Variants in PFKFB2 observed in about 807,000 individuals in gnomAD.
The protein encoded by PFKFB2 is 6-phosphofructo-2-kinase/fructose-2,6-biphosphatase 2, also known as 6-phosphofructo-2-kinase/fructose-2,6-bisphosphatase 2.
In PFKFB2, 53 loss-of-function variants were observed where a neutral mutation model predicts 68.0. That is an observed-to-expected ratio of 0.78 (90% confidence interval 0.63 to 0.98). The LOEUF (loss-of-function observed/expected upper bound fraction) is 0.98, where lower values mean the gene tolerates loss of function less well. Among genes scored for constraint, PFKFB2 ranks in the 50% least tolerant of loss-of-function variants. The pLI is 0.00. For missense variants in PFKFB2, 451 were observed against 642.0 expected (o/e 0.70, Z 3.22); for synonymous variants, 222 against 227.6 (o/e 0.98, Z 0.22).
chr1:207,049,214 T>TGAC (rs1682672146), upstream of PFKFB2: 1 of 1,613,884 alleles, frequency 6.2e-7, no homozygotes, highest in Non-Finnish European at 8.5e-7. Flanking sequence ...GAGGAGAAAA[T>TGAC]GGTCAGAGGA....
At chr1:207,061,109 CTATATATCTTTATATATATCTTTA>C (rs1298009443) in intron 2 of PFKFB2, among the ~76,000 whole-genome samples, 1 of 79,548 alleles carries the variant, frequency 1.3e-5, no homozygotes, top group Non-Finnish European at 2.5e-5. Context: ...TTATATATAT[CTATATATCTTTATATATATCTTTA>C]TATATATCTT....
At chr1:207,071,859 C>A (rs1004321866) in intron 14 of PFKFB2, among the ~76,000 whole-genome samples, 2 of 152,158 alleles carry the variant, frequency 1.3e-5, no homozygotes, top group African/African-American at 4.8e-5. Flanking sequence ...CCCTCCAACC[C>A]CAAGTGTCCC....
intron 2 of PFKFB2, chr1:207,046,937 G>A (rs12123107): frequency 0.35 from 52,415 of 151,858 alleles, 9,673 homozygotes; most frequent in Middle Eastern, 0.48. Flanking sequence ...GTAAGCAAAT[G>A]TCAACTCTGT....
intron 2 of PFKFB2, among the ~76,000 whole-genome samples, chr1:207,055,641 T>TTA (rs34590725): frequency 0.093 from 13,723 of 147,502 alleles, 1,239 homozygotes; most frequent in African/African-American, 0.24. Context: ...ACTTCAGTGG[T>TTA]TATATATATA....
intron 2 of PFKFB2, among the ~76,000 whole-genome samples, chr1:207,056,912 C>T (rs1359741431): frequency 2.0e-5 from 3 of 152,158 alleles, no homozygotes; most frequent in South Asian, 2.1e-4. Context: ...TTCACATCAG[C>T]GGCTGCTTTA....
In PFKFB2 at chr1:207,072,645, G is replaced by A. The variant is rs890025441; in HGVS notation, c.*274G>A. On this transcript the variant is annotated 3_prime_UTR_variant, in exon 15 of 15. Coordinates refer to ENST00000367080, the MANE Select transcript of PFKFB2 (RefSeq NM_006212.2). ...TCTCAGATGGGATGATCTGGAGGAG[G>A]AGGAAAAAGATACACTCCCTTGGGG... The A allele has an allele frequency of 1.6e-6, 2 of 1,213,926 alleles. No homozygotes were observed. The highest frequency in any genetic ancestry group is 4.2e-5 in the Admixed American group (1 of 24,048). The allele number at this position is 1,213,926 out of a possible 1,614,324, so 75.2% of individuals were successfully genotyped here. A position where few individuals can be genotyped will look rare whatever the true frequency, so the allele number is the denominator to read the frequency against.
At chr1:207,078,737 A>C (rs1419769182), downstream of PFKFB2, among the ~76,000 whole-genome samples, 1 of 152,220 alleles carries the variant, frequency 6.6e-6, no homozygotes, top group Admixed American at 6.5e-5. Flanking sequence ...CAATATGGTC[A>C]CGAGGTCAGC....
downstream of PFKFB2, among the ~76,000 whole-genome samples, chr1:207,078,215 G>C (rs1683680898): frequency 6.6e-6 from 1 of 152,204 alleles, no homozygotes; most frequent in Non-Finnish European, 1.5e-5. Context: ...CATTTCTAAA[G>C]AGATTATGGT....
Position 207,065,117 on chromosome 1 carries a change from T to C in PFKFB2, c.589T>C (p.Tyr197His). The C allele has an allele frequency of 6.2e-7, 1 of 1,614,078 alleles. No individual in the cohort carries two copies. The highest frequency in any genetic ancestry group is 8.5e-7 in the Non-Finnish European group (1 of 1,179,978). ...MEDFLKRIEC[Y>H]KVTYRPLDPD... is the part of the protein sequence containing the mutation. ...GGACTTCCTGAAGAGAATTGAATGCTACAAAGTTACCTACCGACCTCTTGA... is the reference window on the plus strand; with the variant it reads ...GGACTTCCTGAAGAGAATTGAATGCCACAAAGTTACCTACCGACCTCTTGA... The change falls in exon 8 of 15, where the codon TAC becomes CAC. Residue 197 changes from tyrosine (Y) to histidine (H), a missense_variant. By Grantham distance (83) the Tyr-to-His change is moderately conservative. Transcript: ENST00000367080.
rs1572740686 is a variant in PFKFB2 at position 207,076,282 on chromosome 1, C to G, written c.*3911C>G. On this transcript the variant is annotated 3_prime_UTR_variant, in exon 15 of 15. Transcript: ENST00000367080. ...TTTTTTTTTTTTATGAGCAGGAGAT[C>G]TTAATTGACAGAAACTCATTGGTGG... The G allele has an allele frequency of 4.3e-6, 4 of 921,978 alleles. No individual in the cohort carries two copies. The highest frequency in any genetic ancestry group is 5.1e-6 in the Non-Finnish European group (4 of 783,162). 57.1% of individuals were successfully genotyped at this position (921,978 alleles called of 1,614,324 possible). A position where few individuals can be genotyped will look rare whatever the true frequency, so the allele number is the denominator to read the frequency against.
chr1:207,066,954 A>G (rs1041438406), intron 8 of PFKFB2, among the ~76,000 whole-genome samples: 2 of 152,162 alleles, frequency 1.3e-5, no homozygotes, highest in Non-Finnish European at 2.9e-5. Flanking sequence ...ATCCAGCCAC[A>G]CTTATGACTT....
downstream of PFKFB2, chr1:207,079,144 C>T (rs116812862): frequency 5.6e-4 from 445 of 794,346 alleles, 4 homozygotes; most frequent in African/African-American, 5.6e-3. Flanking sequence ...GCCACCAAAA[C>T]GAGGCCTGGA....
At chr1:207,054,272 A>C (rs1465414035) in intron 1 of PFKFB2, among the ~76,000 whole-genome samples, 2 of 152,114 alleles carry the variant, frequency 1.3e-5, no homozygotes, top group Non-Finnish European at 2.9e-5. Flanking sequence ...TCGTCTATAC[A>C]TAACCCACCC....
intron 1 of PFKFB2, 64 bp downstream of exon 1, chr1:207,053,430 C>A (rs1225176305): frequency 6.6e-6 from 1 of 152,662 alleles, no homozygotes. Flanking sequence ...GCTGCGTGCC[C>A]CCGGATGAAG....
chr1:207,058,501 G>C (rs1321050405), intron 2 of PFKFB2, among the ~76,000 whole-genome samples: 1 of 152,252 alleles, frequency 6.6e-6, no homozygotes, highest in East Asian at 1.9e-4. Context: ...CCCTGACCTT[G>C]ACTGTCTATT....
chr1:207,076,640 G>C lies in PFKFB2; in HGVS notation c.*4269G>C, dbSNP rs1472708114. On this transcript the variant is annotated 3_prime_UTR_variant, in exon 15 of 15. Transcript: ENST00000367080. ...GGATCTCTGTGCTGACTGACTGACA[G>C]ACAGACTTTAGTGTCTGTGTGCTGA... is the stretch of plus-strand genomic sequence containing the variant. 2.0e-6 allele frequency: 2 copies of C among 984,882 alleles called. No homozygotes were observed. Among genetic ancestry groups the C allele is most frequent in the African/African-American group, 3.5e-5 (2 of 57,218 alleles). The allele number at this position is 984,882 out of a possible 1,614,324, so 61.0% of individuals were successfully genotyped here.
chr1:207,060,074 C>G (rs933154624), intron 2 of PFKFB2, among the ~76,000 whole-genome samples: 1 of 152,146 alleles, frequency 6.6e-6, no homozygotes, highest in African/African-American at 2.4e-5. Flanking sequence ...TTTTTGGCCC[C>G]GGGACAGTGG....
chr1:207,076,895 A>C lies in PFKFB2; in HGVS notation c.*4524A>C. On this transcript the variant is annotated 3_prime_UTR_variant, in exon 15 of 15. Transcript: ENST00000367080. ...ATTGTATCCATTGAAGTGTATGTACATTATGGTAATTCTCTGTCTATTAAA... is the reference window on the plus strand; with the variant it reads ...ATTGTATCCATTGAAGTGTATGTACCTTATGGTAATTCTCTGTCTATTAAA... The C allele has an allele frequency of 1.0e-6, 1 of 984,220 alleles. No homozygotes were observed. The highest frequency in any genetic ancestry group is 1.2e-6 in the Non-Finnish European group (1 of 828,820). The allele number at this position is 984,220 out of a possible 1,614,324, so 61.0% of individuals were successfully genotyped here. A position where few individuals can be genotyped will look rare whatever the true frequency, so the allele number is the denominator to read the frequency against.
At position 207,067,543 on chromosome 1, in the gene PFKFB2, T is replaced by C. The variant is rs761650506; in HGVS notation, c.677T>C (p.Leu226Ser). The C allele has an allele frequency of 6.2e-7, 1 of 1,614,126 alleles. No individual in the cohort carries two copies. Among genetic ancestry groups the C allele is most frequent in the Non-Finnish European group, 8.5e-7 (1 of 1,179,996 alleles). Residue 226 changes from leucine to serine, a missense_variant, in exon 9 of 15, where the codon TTA becomes TCA. Transcript: ENST00000367080. The part of the protein sequence containing the change: ...IKVINVGQRF[L>S]VNRVQDYIQS... ...GTGATAAACGTGGGCCAGCGATTTT[T>C]AGTCAACAGAGTCCAGGACTACATC...
Sources: allele counts gnomAD v4.1 joint callset (sites outside exome capture counted in the v4.1 genomes callset), GRCh38; gene constraint gnomAD v4.1.1; transcripts MANE v1.5; gene names NCBI Gene and HGNC (gene_info 2026-07-23, HGNC 2026-07-21).